Variants in AKAP12 observed in about 807,000 individuals in gnomAD.
AKAP12 encodes A-kinase anchor protein 12.
A neutral mutation model predicts 79.9 loss-of-function variants in AKAP12; 32 were observed. The ratio of observed to expected loss-of-function variants is 0.40; its 90% CI spans 0.30 to 0.54. AKAP12 has a LOEUF of 0.54. AKAP12 is among the 20% of genes least tolerant of loss of function. AKAP12 has a pLI of 0.48. For missense variants in AKAP12, 2,074 were observed against 2,177.0 expected (o/e 0.95, Z 0.94); for synonymous variants, 808 against 857.0 (o/e 0.94, Z 1.00).
intron 3 of AKAP12, among the ~76,000 whole-genome samples, chr6:151,345,308 C>T (rs1778060799): frequency 6.6e-6 from 1 of 151,410 alleles, no homozygotes; most frequent in Non-Finnish European, 1.5e-5. Flanking sequence ...ATCTCCTGAC[C>T]TTGTGATCCG....
intron 2 of AKAP12, among the ~76,000 whole-genome samples, chr6:151,268,235 ATGTATTTT>A (rs1406246964): frequency 6.6e-6 from 1 of 152,046 alleles, no homozygotes; most frequent in Non-Finnish European, 1.5e-5. Flanking sequence ...CAACATGGAG[ATGTATTTT>A]TGTATTTCTA....
Position 151,312,847 on chromosome 6 carries a change from T to TCGG in AKAP12, c.319+6945_319+6947dup, listed in dbSNP as rs572206312. 3.9e-4 allele frequency among the ~76,000 whole-genome samples: 58 copies of TCGG among 148,042 alleles called. No individual in the cohort carries two copies. In the East Asian group the frequency reaches 0.011, roughly 28 times the overall value. On this transcript the variant is annotated intron_variant, in intron 3 of 4. Transcript: ENST00000402676. ...GGCAGAGTTTTCTTGGGATGGGGAT[T>TCGG]CGGAGGGTGGTCCATGGCAGGAGAT... is the stretch of plus-strand genomic sequence containing the variant.
chr6:151,254,888 A>G (rs956352320), intron 2 of AKAP12, among the ~76,000 whole-genome samples: 1 of 152,210 alleles, frequency 6.6e-6, no homozygotes, highest in Admixed American at 6.5e-5. Context: ...AGGAATGCAA[A>G]GAATGCTTAA....
chr6:151,320,648 C>T (rs1460777127), intron 3 of AKAP12, among the ~76,000 whole-genome samples: 6 of 152,104 alleles, frequency 3.9e-5, no homozygotes, highest in South Asian at 2.1e-4. Context: ...ATCTTGTGGG[C>T]ACCGTGACTT....
At chr6:151,287,008 G>A (rs1346892007) in intron 2 of AKAP12, among the ~76,000 whole-genome samples, 1 of 151,122 alleles carries the variant, frequency 6.6e-6, no homozygotes, top group Non-Finnish European at 1.5e-5. Flanking sequence ...GCGTGATCTC[G>A]GCTCACTGCT....
chr6:151,304,464 G>GGGTGAAACAGTGAC (rs1776930007), intron 2 of AKAP12, among the ~76,000 whole-genome samples: 1 of 101,020 alleles, frequency 9.9e-6, no homozygotes, highest in Non-Finnish European at 1.9e-5. Context: ...ACTTCAGCCT[G>GGGTGAAACAGTGAC]GGTGAAACAG....
At chr6:151,242,097 C>T (rs979001738) in intron 2 of AKAP12, among the ~76,000 whole-genome samples, 5 of 152,200 alleles carry the variant, frequency 3.3e-5, no homozygotes, top group African/African-American at 1.2e-4. Context: ...TTAATACTTA[C>T]TGTATGCACA....
intron 2 of AKAP12, among the ~76,000 whole-genome samples, chr6:151,252,134 T>C (rs1275316806): frequency 6.6e-6 from 1 of 152,108 alleles, no homozygotes; most frequent in Non-Finnish European, 1.5e-5. Context: ...ACCACTGGCA[T>C]TGGAGGCCAT....
At position 151,315,054 on chromosome 6, in the gene AKAP12, GA is replaced by G. The variant is rs75653442; in HGVS notation, c.319+9166del. Among the ~76,000 whole-genome samples the G allele has an allele frequency of 1.9e-3, 247 of 129,160 alleles. 1 individual carries two copies. Among genetic ancestry groups the G allele is most frequent in the Middle Eastern group, 8.2e-3 (2 of 244 alleles). The allele number at this position is 129,160 out of a possible 152,430, so 84.7% of individuals were successfully genotyped here. On this transcript the variant is annotated intron_variant, in intron 3 of 4. Coordinates refer to ENST00000402676, the MANE Select transcript of AKAP12 (RefSeq NM_005100.4). ...GCAACAGAGTGAGACTCTGTCTCAA[GA>G]AAAAAAAAAAAAAAGATTTAGGCCC...
intron 3 of AKAP12, among the ~76,000 whole-genome samples, chr6:151,323,062 C>T (rs3798771): frequency 0.038 from 5,729 of 152,254 alleles, 155 homozygotes; most frequent in East Asian, 0.17. Context: ...CTCATCTTTA[C>T]TCCTGCTTTT....
Position 151,350,998 on chromosome 6 carries a change from A to T in AKAP12, c.2607A>T (p.Ala869=), listed in dbSNP as rs137894012. The change falls in exon 4 of 5, where the codon GCA becomes GCT. Residue 869 remains alanine, a synonymous_variant. Coordinates refer to ENST00000402676, the MANE Select transcript of AKAP12 (RefSeq NM_005100.4). This position sits in a 1 kb window ranked among gnomAD's most constrained non-coding sequence, Gnocchi z 4.8. The part of the protein sequence containing the change: ...KMEAQQAQKS[A]EQPEQKAATE... The stretch of plus-strand genomic sequence containing the variant: ...AGGCACAGCAAGCCCAAAAAAGCGC[A>T]GAGCAGCCCGAGCAGAAGGCAGCCA... 5 of 1,613,988 alleles carry T rather than the reference A, an allele frequency of 3.1e-6. No homozygotes were observed. The African/African-American group carries it at 6.7e-5, about 22-fold the overall frequency.
intron 2 of AKAP12, among the ~76,000 whole-genome samples, chr6:151,272,743 G>T (rs1247598641): frequency 6.6e-6 from 1 of 152,132 alleles, no homozygotes; most frequent in Non-Finnish European, 1.5e-5. Flanking sequence ...ACCATGCCAG[G>T]CTGGTCTCAA....
intron 2 of AKAP12, among the ~76,000 whole-genome samples, chr6:151,279,897 A>T (rs938664281): frequency 1.3e-5 from 2 of 152,212 alleles, no homozygotes; most frequent in Non-Finnish European, 2.9e-5. Flanking sequence ...AAAAAATTTT[A>T]AATAAATATC....
chr6:151,311,703 C>T (rs1487101958), intron 3 of AKAP12, among the ~76,000 whole-genome samples: 1 of 152,200 alleles, frequency 6.6e-6, no homozygotes, highest in Non-Finnish European at 1.5e-5. Context: ...CGCTTAATGT[C>T]ATCGTCTGCT....
At chr6:151,341,917 G>T (rs1314790596) in intron 3 of AKAP12, 2 of 598,792 alleles carry the variant, frequency 3.3e-6, no homozygotes, top group South Asian at 2.0e-5. Context: ...CTGTAGAGCC[G>T]CCCGCTGCCC....
intron 3 of AKAP12, among the ~76,000 whole-genome samples, chr6:151,322,909 T>C (rs914450369): frequency 6.6e-6 from 1 of 152,262 alleles, no homozygotes; most frequent in Non-Finnish European, 1.5e-5. Flanking sequence ...TTTTCTATCA[T>C]CCATCTATGT....
In AKAP12 at chr6:151,349,917, T is replaced by A; in HGVS notation, c.1526T>A (p.Met509Lys). ...GAAATGCTGTCATCACAGGAGAGAA[T>A]GAAGGTGCAGGGAAGTCCACTAAAG... ...EVEMLSSQER[M>K]KVQGSPLKKL... is the part of the protein sequence containing the mutation. The change falls in exon 4 of 5, where the codon ATG becomes AAG. Residue 509 changes from methionine (M) to lysine (K), a missense_variant. Met to Lys is a moderately conservative substitution (Grantham distance 95). This residue lies in a region of AKAP12 where 1,428 missense variants were observed against 1,451.0 expected (regional missense o/e 0.98). Transcript: ENST00000402676. 1 of 1,613,680 alleles carries A rather than the reference T, an allele frequency of 6.2e-7. No homozygotes were observed. Among genetic ancestry groups the A allele is most frequent in the South Asian group, 1.1e-5 (1 of 91,056 alleles).
chr6:151,246,461 A>G (rs1445223476), intron 2 of AKAP12, among the ~76,000 whole-genome samples: 3 of 152,176 alleles, frequency 2.0e-5, no homozygotes, highest in African/African-American at 7.2e-5. Context: ...AACCCTTCCT[A>G]AATTGACTTT....
intron 2 of AKAP12, among the ~76,000 whole-genome samples, chr6:151,267,923 G>A (rs1448986431): frequency 3.9e-5 from 6 of 152,138 alleles, no homozygotes; most frequent in Admixed American, 3.9e-4. Flanking sequence ...GTCTCTCTCG[G>A]CGTTTGCTGA....
Sources: allele counts gnomAD v4.1 joint callset (sites outside exome capture counted in the v4.1 genomes callset), GRCh38; gene constraint gnomAD v4.1.1; regional missense constraint gnomAD v4.1.1; non-coding constraint Gnocchi (gnomAD v3.1); transcripts MANE v1.5; gene names NCBI Gene and HGNC (gene_info 2026-07-23, HGNC 2026-07-21).